Variants in CHD1 observed in about 807,000 individuals in gnomAD.
The protein encoded by CHD1 is ATP-dependent chromatin remodeler CHD1.
A neutral mutation model predicts 224.2 loss-of-function variants in CHD1; 36 were observed. That is an observed-to-expected ratio of 0.16 (90% CI 0.12 to 0.21). The LOEUF (loss-of-function observed/expected upper bound fraction) is 0.21. CHD1 is among the 10% of genes least tolerant of loss of function. The pLI is 1.00. For missense variants in CHD1, 1,378 were observed against 1,994.8 expected (o/e 0.69, Z 5.89); for synonymous variants, 668 against 658.3 (o/e 1.01, Z -0.23).
intron 24 of CHD1, among the ~76,000 whole-genome samples, chr5:98,875,626 A>G (rs1749692102): frequency 6.6e-6 from 1 of 152,210 alleles, no homozygotes; most frequent in South Asian, 2.1e-4. Context: ...TGCTTCCTCA[A>G]CTAAAGACGA....
chr5:98,903,240 T>C (rs562890713), intron 4 of CHD1, among the ~76,000 whole-genome samples: 2 of 152,266 alleles, frequency 1.3e-5, no homozygotes, highest in East Asian at 3.9e-4. Context: ...TGTTGCCTAG[T>C]ATAGCCAAAA....
intron 29 of CHD1, 94 bp downstream of exon 29, chr5:98,870,593 C>T (rs1451860224): frequency 3.4e-6 from 2 of 579,860 alleles, no homozygotes; most frequent in Non-Finnish European, 6.1e-6. Flanking sequence ...TTTATATAAG[C>T]TCATATTGAC....
chr5:98,917,818 A>G (rs113866981), intron 2 of CHD1, among the ~76,000 whole-genome samples: 244 of 152,280 alleles, frequency 1.6e-3, no homozygotes, highest in African/African-American at 5.3e-3. Flanking sequence ...TAACATTTAA[A>G]GTTGACTTCT....
chr5:98,857,623 A>G (rs1421779673), intron 35 of CHD1, among the ~76,000 whole-genome samples: 1 of 152,072 alleles, frequency 6.6e-6, no homozygotes, highest in Non-Finnish European at 1.5e-5. Flanking sequence ...TTCTTTATCA[A>G]TAAAGGAATA....
At chr5:98,911,146 A>AATATATATATATATATATATAT (rs1158932549) in intron 2 of CHD1, among the ~76,000 whole-genome samples, 18 of 39,120 alleles carry the variant, frequency 4.6e-4, no homozygotes, top group Middle Eastern at 0.023. Context: ...AAAAAAAAAA[A>AATATATATATATATATATATAT]ATATATATAT....
Position 98,881,252 on chromosome 5 carries a change from CTTTTTTTTTTTTT to C in CHD1, c.2964+14_2964+26del, listed in dbSNP as rs11295695. ...ATATGACACATATTCTGAGGCAGGCCTTTTTTTTTTTTTTTTTTTTTTTTACCTGGGGCTCTTG... is the reference window on the plus strand; with the variant it reads ...ATATGACACATATTCTGAGGCAGGCCTTTTTTTTTTTACCTGGGGCTCTTG... On this transcript the variant is annotated intron_variant, in intron 21 of 35. Transcript: ENST00000614616. 63 of 675,266 alleles carry C rather than the reference CTTTTTTTTTTTTT, an allele frequency of 9.3e-5. No individual in the cohort carries two copies. The East Asian group carries it at 1.9e-3, about 20-fold the overall frequency. 41.8% of individuals were successfully genotyped at this position (675,266 alleles called of 1,614,324 possible).
chr5:98,897,196 C>A lies in CHD1; in HGVS notation c.1490G>T (p.Cys497Phe). ...AGATGATTCAAAATATACTTACTTG[C>A]ACCAAGAATGAGCAAGCCAATTTAA... Reference protein sequence around the residue: ...NGLNWLAHSWCKGNSCILADE... With the variant: ...NGLNWLAHSWFKGNSCILADE... Residue 497 changes from cysteine to phenylalanine, a missense_variant, in exon 11 of 36, where the codon TGC becomes TTC. Coordinates refer to ENST00000614616, the MANE Select transcript of CHD1 (RefSeq NM_001270.4). 6.2e-7 allele frequency: 1 copy of A among 1,610,620 alleles called. No individual in the cohort carries two copies. The highest frequency in any genetic ancestry group is 1.1e-5 in the South Asian group (1 of 90,242).
chr5:98,914,654 T>C (rs919992306), intron 2 of CHD1, among the ~76,000 whole-genome samples: 4 of 152,222 alleles, frequency 2.6e-5, no homozygotes, highest in Admixed American at 6.5e-5. Context: ...AGCAACGGTA[T>C]CTTTCTCCAT....
intron 2 of CHD1, among the ~76,000 whole-genome samples, chr5:98,906,516 A>G (rs1752061995): frequency 6.6e-6 from 1 of 152,220 alleles, no homozygotes; most frequent in Non-Finnish European, 1.5e-5. Flanking sequence ...AACTTTATTG[A>G]GAACTATCAT....
At position 98,921,111 on chromosome 5, in the gene CHD1, T is replaced by G. The variant is rs1173310256; in HGVS notation, c.53+5223A>C. Among the ~76,000 whole-genome samples, 5 of 152,202 alleles carry G rather than the reference T, an allele frequency of 3.3e-5. No individual in the cohort carries two copies. In the South Asian group the frequency reaches 1.0e-3, roughly 31 times the overall value. On this transcript the variant is annotated intron_variant, in intron 2 of 35. Coordinates refer to ENST00000614616, the MANE Select transcript of CHD1 (RefSeq NM_001270.4). ...TGTTTCCCCATCTGGAAAGTGGGAA[T>G]CATAACAATGTATACATCACAGAAG...
chr5:98,874,153 ATATTT>A (rs1361340827), intron 25 of CHD1, among the ~76,000 whole-genome samples: 1 of 152,200 alleles, frequency 6.6e-6, no homozygotes, highest in Non-Finnish European at 1.5e-5. Flanking sequence ...GTATTTCATT[ATATTT>A]TAAGTATGCC....
intron 29 of CHD1, 122 bp from the exon 30 acceptor site, chr5:98,870,004 G>A (rs544414004): frequency 1.8e-5 from 12 of 665,636 alleles, no homozygotes; most frequent in Non-Finnish European, 2.7e-5. Flanking sequence ...TTGGTAATAA[G>A]CTGTACCAAC....
At chr5:98,903,992 C>T (rs1751887171) in intron 3 of CHD1, 84 bp from the exon 4 acceptor site, 5 of 760,086 alleles carry the variant, frequency 6.6e-6, no homozygotes, top group Admixed American at 4.7e-5. Context: ...ACTATACCAC[C>T]ATCTTTACTG....
chr5:98,905,233 A>G (rs970792872), intron 2 of CHD1, 135 bp from the exon 3 acceptor site: 7 of 1,002,688 alleles, frequency 7.0e-6, no homozygotes, highest in Non-Finnish European at 1.0e-5. Flanking sequence ...CAAAAAAAAG[A>G]AAAAGGAATT....
chr5:98,897,917 T>G (rs949960990), intron 10 of CHD1, among the ~76,000 whole-genome samples: 7 of 152,196 alleles, frequency 4.6e-5, no homozygotes, highest in African/African-American at 1.7e-4. Context: ...AGGGTTTTTT[T>G]CTGTTTATTC....
chr5:98,874,097 A>AT (rs1470906501), intron 25 of CHD1, among the ~76,000 whole-genome samples: 68 of 152,314 alleles, frequency 4.5e-4, no homozygotes, highest in African/African-American at 1.6e-3. Flanking sequence ...AATAGATATG[A>AT]ATGATTAATA....
rs1435585967 is a variant in CHD1 at position 98,875,059 on chromosome 5, T to TA, written c.3440+12dup. On this transcript the variant is annotated intron_variant, in intron 25 of 35. Coordinates refer to ENST00000614616, the MANE Select transcript of CHD1 (RefSeq NM_001270.4). ...ACATTCCATTATTCTATGAGAATAA[T>TA]AAACGTATTTACCTTTCCAGAGGAC... 7.7e-7 allele frequency: 1 copy of TA among 1,304,176 alleles called. No homozygotes were observed. The allele number at this position is 1,304,176 out of a possible 1,614,324, so 80.8% of individuals were successfully genotyped here.
intron 2 of CHD1, among the ~76,000 whole-genome samples, chr5:98,923,004 A>G (rs1175606398): frequency 6.6e-6 from 1 of 152,198 alleles, no homozygotes; most frequent in African/African-American, 2.4e-5. Context: ...AAAGAAAAAA[A>G]ATTACTCTAT....
At chr5:98,857,935 A>C (rs1475828117) in intron 35 of CHD1, among the ~76,000 whole-genome samples, 1 of 152,110 alleles carries the variant, frequency 6.6e-6, no homozygotes, top group African/African-American at 2.4e-5. Context: ...ATTTATAATC[A>C]TACAACTCCC....
Sources: gnomAD v4.1 joint callset for allele counts (sites outside exome capture counted in the v4.1 genomes callset) on GRCh38, gnomAD v4.1.1 for gene constraint, MANE v1.5 for transcripts, NCBI Gene and HGNC (gene_info 2026-07-23, HGNC 2026-07-21) for gene names.